The following RFC1 variants were observed in gnomAD, a reference collection of about 807,000 sequenced individuals.
The protein encoded by RFC1 is replication factor C subunit 1.
Under a neutral mutation model 137.4 loss-of-function variants are expected in RFC1, and 37 were observed. The ratio of observed to expected loss-of-function variants is 0.27; its 90% confidence interval spans 0.21 to 0.35. The LOEUF (loss-of-function observed/expected upper bound fraction) is 0.35. Ranked by LOEUF, RFC1 falls within the 10% of genes least tolerant of loss-of-function variation. The pLI, the probability that RFC1 is intolerant of heterozygous loss-of-function variation, is 1.00. For synonymous variants in RFC1, 429 were observed against 455.7 expected, an observed-to-expected ratio of 0.94 and a Z score of 0.75; for missense variants, 1,205 against 1,358.5, an observed-to-expected ratio of 0.89 and a Z score of 1.78.
chr4:39,351,563 C>A, intron 1 of RFC1, 87 bp from the exon 2 acceptor site: 1 of 1,184,296 alleles, frequency 8.4e-7, no homozygotes, highest in Middle Eastern at 2.5e-4. Context: ...GCTTTATGTA[C>A]ACACTGGGTT....
Position 39,300,006 on chromosome 4 carries a change from G to C in RFC1, c.2808+15C>G. Reference sequence around the variant, plus strand: ...AAAAGCAGAGCCTGCATGTTAGGGAGAGCCCTCTGCTCACCTGCGCAGGCA... The same window carrying C: ...AAAAGCAGAGCCTGCATGTTAGGGACAGCCCTCTGCTCACCTGCGCAGGCA... On this transcript the variant is annotated intron_variant, in intron 21 of 24. Coordinates refer to ENST00000349703, the MANE Select transcript of RFC1 (RefSeq NM_002913.5). The C allele has an allele frequency of 6.8e-7, 1 of 1,480,852 alleles. No individual in the cohort carries two copies. Among genetic ancestry groups the C allele is most frequent in the Non-Finnish European group, 9.4e-7 (1 of 1,058,330 alleles). 91.7% of individuals were successfully genotyped at this position (1,480,852 alleles called of 1,614,324 possible).
rs989868561 is a variant in RFC1, at chr4:39,366,157, G to A, written c.3+82C>T. ...ACCCACCGCCATCCTCCCCCACCCT[G>A]CATACCAGGAGTGCCCGGTCCACAC... On this transcript the variant is annotated intron_variant, in intron 1 of 24. Coordinates refer to ENST00000349703, the MANE Select transcript of RFC1 (RefSeq NM_002913.5). The A allele has an allele frequency of 6.2e-6, 9 of 1,454,160 alleles. No individual in the cohort carries two copies. In the East Asian group the frequency reaches 2.2e-4, roughly 35 times the overall value. 90.1% of individuals were successfully genotyped at this position (1,454,160 alleles called of 1,614,324 possible).
In RFC1 at chr4:39,308,938, T is replaced by C; in HGVS notation, c.1583A>G (p.Lys528Arg). The C allele has an allele frequency of 6.2e-7, 1 of 1,614,168 alleles. No homozygotes were observed. The highest frequency in any genetic ancestry group is 8.5e-7 in the Non-Finnish European group (1 of 1,180,048). The change falls in exon 13 of 25, where the codon AAG becomes AGG. Residue 528 changes from lysine (K) to arginine (R), a missense_variant. Transcript: ENST00000349703. ...SPSKKESESK[K>R]SRPTSKRDSL... ...GTCCCTTTTGGAAGTCGGCCTGCTCTTTTTAGATTCTGATTCCTTTTTAGA... is the reference window on the plus strand; with the variant it reads ...GTCCCTTTTGGAAGTCGGCCTGCTCCTTTTAGATTCTGATTCCTTTTTAGA...
intron 16 of RFC1, 21 bp from the exon 17 acceptor site, chr4:39,302,895 A>G: frequency 6.4e-7 from 1 of 1,567,802 alleles, no homozygotes; most frequent in Non-Finnish European, 8.6e-7. Flanking sequence ...AGTTTGCAAC[A>G]CAAAAATAAT....
Position 39,308,904 on chromosome 4 carries a change from T to G in RFC1, c.1617A>C (p.Ala539=). 1 of 1,614,226 alleles carries G rather than the reference T, an allele frequency of 6.2e-7. No individual in the cohort carries two copies. Among genetic ancestry groups the G allele is most frequent in the Non-Finnish European group, 8.5e-7 (1 of 1,180,042 alleles). The change falls in exon 13 of 25, where the codon GCA becomes GCC. Residue 539 remains alanine, a synonymous_variant. Transcript: ENST00000349703. Reference sequence around the variant, plus strand: ...CATCTGTTTCCTTTTTTATTGTCTTTGCCAAACTGTCCCTTTTGGAAGTCG... The same window carrying G: ...CATCTGTTTCCTTTTTTATTGTCTTGGCCAAACTGTCCCTTTTGGAAGTCG... The part of the protein sequence containing the change: ...SRPTSKRDSL[A]KTIKKETDVF...
intron 21 of RFC1, among the ~76,000 whole-genome samples, chr4:39,299,001 G>A (rs1379921915): frequency 2.0e-5 from 3 of 152,148 alleles, no homozygotes; most frequent in Non-Finnish European, 2.9e-5. Flanking sequence ...ACATGTTCAT[G>A]ATGGCCCTAA....
intron 6 of RFC1, among the ~76,000 whole-genome samples, chr4:39,324,695 G>C (rs1739675663): frequency 6.6e-6 from 1 of 152,228 alleles, no homozygotes; most frequent in Non-Finnish European, 1.5e-5. Context: ...ATGGTTGAGT[G>C]AGACATAAAT....
chr4:39,339,170 A>G (rs977406174), intron 4 of RFC1, among the ~76,000 whole-genome samples: 21 of 151,998 alleles, frequency 1.4e-4, no homozygotes, highest in East Asian at 5.8e-4. Context: ...AGTTGTTTCC[A>G]TATCTTGGCT....
At chr4:39,348,022 A>C (rs115988900) in intron 2 of RFC1, among the ~76,000 whole-genome samples, 9 of 152,194 alleles carry the variant, frequency 5.9e-5, no homozygotes, top group Non-Finnish European at 1.0e-4. Context: ...GACTGCTTGT[A>C]GTCAAATGCA....
At chr4:39,312,686 A>G in intron 11 of RFC1, 66 bp downstream of exon 11, 1 of 1,385,272 alleles carries the variant, frequency 7.2e-7, no homozygotes, top group South Asian at 1.6e-5. Context: ...TAAAGGGCAA[A>G]TCACATCAAG....
At position 39,320,486 on chromosome 4, in the gene RFC1, T is replaced by C; in HGVS notation, c.992A>G (p.Lys331Arg). Residue 331 changes from lysine to arginine, a missense_variant, in exon 9 of 25, where the codon AAA becomes AGA. By Grantham distance (26) the Lys-to-Arg change is conservative (BLOSUM62 2). Around this residue, in one of 3 missense-constraint regions of RFC1, gnomAD observed 962 missense variants for 1,035.3 expected, o/e 0.93. Coordinates refer to ENST00000349703, the MANE Select transcript of RFC1 (RefSeq NM_002913.5). ...IMKRKEESSY[K>R]EIEPVASKRK... ...TTTTGAGGCCACAGGCTCTATTTCT[T>C]TATAAGAGCTCTCTTCTTTTCTTTT... 1.2e-6 allele frequency: 2 copies of C among 1,610,282 alleles called. No individual in the cohort carries two copies. Among genetic ancestry groups the C allele is most frequent in the East Asian group, 4.5e-5 (2 of 44,848 alleles).
chr4:39,303,430 G>A (rs945996352), intron 15 of RFC1, among the ~76,000 whole-genome samples: 1 of 151,774 alleles, frequency 6.6e-6, no homozygotes, highest in African/African-American at 2.4e-5. Context: ...GTACACATAT[G>A]TGCATAAAAA....
chr4:39,303,012 A>G (rs1560593504), intron 16 of RFC1, 48 bp downstream of exon 16: 3 of 1,513,132 alleles, frequency 2.0e-6, no homozygotes, highest in African/African-American at 2.7e-5. Flanking sequence ...TGTTCTAACA[A>G]TCTAAATTAT....
At chr4:39,348,427 A>AAGAAG (rs1740982776) in intron 2 of RFC1, among the ~76,000 whole-genome samples, 6 of 37,560 alleles carry the variant, frequency 1.6e-4, no homozygotes, top group South Asian at 9.8e-4. Flanking sequence ...TGTTTCAAAA[A>AAGAAG]AGAAAAGAAA....
chr4:39,312,237 G>T (rs991496450), intron 11 of RFC1, among the ~76,000 whole-genome samples: 1 of 152,148 alleles, frequency 6.6e-6, no homozygotes, highest in African/African-American at 2.4e-5. Flanking sequence ...AACACAATAA[G>T]GACAGATGGA....
intron 2 of RFC1, among the ~76,000 whole-genome samples, chr4:39,346,779 GAGA>G (rs1344447794): frequency 2.6e-5 from 4 of 152,170 alleles, no homozygotes; most frequent in African/African-American, 9.7e-5. Context: ...TCAAAAGTAA[GAGA>G]AGAAGGTATC....
Position 39,304,911 on chromosome 4 carries a change from G to A in RFC1, c.2013C>T (p.Tyr671=), listed in dbSNP as rs149366189. 2.3e-5 allele frequency: 37 copies of A among 1,609,498 alleles called. No individual in the cohort carries two copies. The highest frequency in any genetic ancestry group is 2.9e-5 in the Non-Finnish European group (34 of 1,176,114). ...SLVCQELGYS[Y]VELNASDTRS... ...GGGTGTCACTTGCATTCAGTTCCAC[G>A]TAGCTGTATCCCAACTCCTAATCAA... is the stretch of plus-strand genomic sequence containing the variant. Residue 671 remains tyrosine (Y), a synonymous_variant, in exon 15 of 25, where the codon TAC becomes TAT. Transcript: ENST00000349703.
At chr4:39,348,459 G>GAAAAGAAAAGAAAAGAAAAGAAAAA in intron 2 of RFC1, among the ~76,000 whole-genome samples, 1 of 138,192 alleles carries the variant, frequency 7.2e-6, no homozygotes, top group African/African-American at 2.6e-5. Flanking sequence ...GAAAAGAAAA[G>GAAAAGAAAAGAAAAGAAAAGAAAAA]AAAAGAAAAG....
chr4:39,327,019 A>C (rs1177698383), intron 5 of RFC1, among the ~76,000 whole-genome samples: 1 of 152,200 alleles, frequency 6.6e-6, no homozygotes, highest in Non-Finnish European at 1.5e-5. Context: ...CAACAAACAC[A>C]CACTATGGGG....
Sources: allele counts gnomAD v4.1 joint callset (sites outside exome capture counted in the v4.1 genomes callset), GRCh38; gene constraint gnomAD v4.1.1; regional missense constraint gnomAD v4.1.1; transcripts MANE v1.5; gene names NCBI Gene and HGNC (gene_info 2026-07-23, HGNC 2026-07-21).